SOX13: variants seen among roughly 807,000 people sequenced by gnomAD.
SOX13 encodes the protein SRY-box transcription factor 13.
A neutral mutation model predicts 71.8 loss-of-function variants in SOX13; 28 were observed. That is an observed-to-expected ratio of 0.39 (90% CI 0.29 to 0.53). SOX13 has a LOEUF of 0.53. Among genes scored for constraint, SOX13 ranks in the 20% least tolerant of loss-of-function variants. The pLI is 0.70. For synonymous variants in SOX13, 309 were observed against 317.8 expected (o/e 0.97, Z 0.29); for missense variants, 627 against 810.3 (o/e 0.77, Z 2.75).
rs772422383 is a variant in SOX13, at chr1:204,112,909, C to A, written c.-1-6C>A. 37 of 1,612,126 alleles carry A rather than the reference C, an allele frequency of 2.3e-5. No homozygotes were observed. Among genetic ancestry groups the A allele is most frequent in the Non-Finnish European group, 3.1e-5 (36 of 1,179,012 alleles). ...CTCACCTCAGCTCACTCTGTCCCTC[C>A]CCCAGGATGTCCATGAGGAGCCCCA... On this transcript the variant is annotated splice_region_variant and splice_polypyrimidine_tract_variant and intron_variant, in intron 1 of 13. Coordinates refer to ENST00000367204, the MANE Select transcript of SOX13 (RefSeq NM_005686.3).
At chr1:204,117,045 G>T (rs1335707752) in intron 5 of SOX13, 77 bp from the exon 6 acceptor site, 9 of 1,420,310 alleles carry the variant, frequency 6.3e-6, no homozygotes, top group Non-Finnish European at 8.9e-6. Context: ...AGAAAGCAGG[G>T]TGTGGTTAGG....
intron 1 of SOX13, among the ~76,000 whole-genome samples, chr1:204,079,010 A>G (rs541921328): frequency 1.1e-4 from 17 of 152,254 alleles, no homozygotes; most frequent in African/African-American, 3.6e-4. Context: ...CTAGGAAAAG[A>G]TTTCTGGGCC....
At position 204,125,923 on chromosome 1, in the gene SOX13, C is replaced by T. The variant is rs745741757; in HGVS notation, c.1658C>T (p.Pro553Leu). ...DVLYPRAAGM[P>L]LAQPLVEHYV... ...CTGTACCCTCGGGCAGCAGGCATGC[C>T]GCTGGCACAGCCACTGGTGGAGCAC... Residue 553 changes from proline to leucine, a missense_variant, in exon 14 of 14, where the codon CCG becomes CTG. Pro to Leu is a moderately conservative substitution (Grantham distance 98). Transcript: ENST00000367204. 10 of 1,613,514 alleles carry T rather than the reference C, an allele frequency of 6.2e-6. No individual in the cohort carries two copies. Among genetic ancestry groups the T allele is most frequent in the African/African-American group, 2.7e-5 (2 of 75,060 alleles).
At chr1:204,102,691 G>C (rs181744045) in intron 1 of SOX13, among the ~76,000 whole-genome samples, 39 of 151,354 alleles carry the variant, frequency 2.6e-4, no homozygotes, top group Non-Finnish European at 5.0e-4. Context: ...TTGACCATGT[G>C]GGGGAAGGGG....
intron 1 of SOX13, among the ~76,000 whole-genome samples, chr1:204,074,859 A>G (rs1392552600): frequency 3.3e-5 from 5 of 152,240 alleles, no homozygotes; most frequent in Non-Finnish European, 7.3e-5. Context: ...CGCCTCGGTG[A>G]CAGAGGCTTG....
chr1:204,099,145 T>A (rs1416354163), intron 1 of SOX13, among the ~76,000 whole-genome samples: 2 of 152,158 alleles, frequency 1.3e-5, no homozygotes, highest in East Asian at 3.8e-4. Flanking sequence ...GCCAGTATAA[T>A]CCAACACTTA....
intron 2 of SOX13, among the ~76,000 whole-genome samples, chr1:204,113,724 G>C (rs1368005229): frequency 3.3e-5 from 5 of 152,128 alleles, no homozygotes; most frequent in South Asian, 4.1e-4. Flanking sequence ...GGAAGGAGGT[G>C]GGGGGTGGGG....
At chr1:204,112,746 G>A (rs971196205) in intron 1 of SOX13, among the ~76,000 whole-genome samples, 169 bp from the exon 2 acceptor site, 2 of 152,250 alleles carry the variant, frequency 1.3e-5, no homozygotes, top group African/African-American at 4.8e-5. Flanking sequence ...AGGCTTTGCT[G>A]ATTTTTCTGT....
chr1:204,102,884 G>T (rs1442197917), intron 1 of SOX13, among the ~76,000 whole-genome samples: 1 of 152,112 alleles, frequency 6.6e-6, no homozygotes, highest in African/African-American at 2.4e-5. Flanking sequence ...ACAGGTCCAT[G>T]TGACAAAGTC....
At chr1:204,083,977 G>A (rs1237088974) in intron 1 of SOX13, among the ~76,000 whole-genome samples, 1 of 152,108 alleles carries the variant, frequency 6.6e-6, no homozygotes, top group Non-Finnish European at 1.5e-5. Flanking sequence ...GGAAGAGGAG[G>A]TCATAAGGGT....
chr1:204,103,173 A>G (rs1474127846), intron 1 of SOX13, among the ~76,000 whole-genome samples: 1 of 152,242 alleles, frequency 6.6e-6, no homozygotes, highest in Non-Finnish European at 1.5e-5. Flanking sequence ...ACACATGAAG[A>G]AATGGGGGTT....
chr1:204,088,090 A>G (rs1447780708), intron 1 of SOX13, among the ~76,000 whole-genome samples: 1 of 152,206 alleles, frequency 6.6e-6, no homozygotes, highest in East Asian at 1.9e-4. Context: ...GGAAGGGCCC[A>G]TTGGGTCTCC....
intron 1 of SOX13, among the ~76,000 whole-genome samples, chr1:204,085,217 A>G (rs1655991476): frequency 6.6e-6 from 1 of 152,210 alleles, no homozygotes; most frequent in African/African-American, 2.4e-5. Flanking sequence ...ACCAGCACAG[A>G]CAGACAGGCA....
In SOX13 at chr1:204,123,801, C is replaced by T; in HGVS notation, c.1372C>T (p.Leu458Phe). The T allele has an allele frequency of 6.2e-7, 1 of 1,614,140 alleles. No homozygotes were observed. The highest frequency in any genetic ancestry group is 8.5e-7 in the Non-Finnish European group (1 of 1,179,982). The change falls in exon 12 of 14, where the codon CTT becomes TTT. Residue 458 changes from leucine to phenylalanine, a missense_variant. This residue lies in a region of SOX13 where 32 missense variants were observed against 85.4 expected (regional missense o/e 0.37). Transcript: ENST00000367204. This position sits in a 1 kb window ranked among gnomAD's most constrained non-coding sequence, Gnocchi z 5.0. ...DMHNSSISKI[L>F]GSRWKSMTNQ... ...GCACAACTCCAGCATCAGCAAGATC[C>T]TTGGTAAGGGCCAGTGGCTGGGGCC...
rs1656844675 is a variant in SOX13 at position 204,123,085 on chromosome 1, G to A, written c.1135-27G>A. On this transcript the variant is annotated intron_variant, in intron 10 of 13. Transcript: ENST00000367204. The surrounding 1 kb of genome is among the most constrained non-coding windows in gnomAD (Gnocchi z 5.0). ...GGAGTGGGGTGATGCAGAGGAGGCT[G>A]ATGTCAGGTTGCCCCTGTCAACCTA... 1 of 1,593,560 alleles carries A rather than the reference G, an allele frequency of 6.3e-7. No homozygotes were observed. The highest frequency in any genetic ancestry group is 8.6e-7 in the Non-Finnish European group (1 of 1,161,640).
Position 204,127,601 on chromosome 1 carries a change from T to G in SOX13, c.*1467T>G, listed in dbSNP as rs1200268286. Reference sequence around the variant, plus strand: ...CCACTTCTCTCCAGGCTGTTTCTTTTTTTATGACTGTAAACATAGATAGTG... The same window carrying G: ...CCACTTCTCTCCAGGCTGTTTCTTTGTTTATGACTGTAAACATAGATAGTG... On this transcript the variant is annotated 3_prime_UTR_variant, in exon 14 of 14. Transcript: ENST00000367204. 1 of 152,660 alleles carries G rather than the reference T, an allele frequency of 6.6e-6. No homozygotes were observed. Among genetic ancestry groups the G allele is most frequent in the Non-Finnish European group, 1.5e-5 (1 of 68,052 alleles). 9.5% of individuals were successfully genotyped at this position (152,660 alleles called of 1,614,324 possible). A position where few individuals can be genotyped will look rare whatever the true frequency, so the allele number is the denominator to read the frequency against.
At chr1:204,078,623 A>T (rs1421234869) in intron 1 of SOX13, among the ~76,000 whole-genome samples, 1 of 152,190 alleles carries the variant, frequency 6.6e-6, no homozygotes, top group Non-Finnish European at 1.5e-5. Context: ...CGGATGTGTC[A>T]GCCAGGGAGG....
At chr1:204,074,294 C>T (rs1655738256) in intron 1 of SOX13, 1 of 152,048 alleles carries the variant, frequency 6.6e-6, no homozygotes, top group African/African-American at 2.4e-5. Flanking sequence ...AGCGCGGCAT[C>T]CTGTTTGTTT....
intron 1 of SOX13, among the ~76,000 whole-genome samples, chr1:204,092,421 G>T (rs1395781219): frequency 6.6e-6 from 1 of 152,084 alleles, no homozygotes; most frequent in African/African-American, 2.4e-5. Context: ...GGCTCAAGCA[G>T]TCCTCCTGAC....
Sources: gnomAD v4.1 joint callset for allele counts (sites outside exome capture counted in the v4.1 genomes callset) on GRCh38, gnomAD v4.1.1 for gene constraint, gnomAD v4.1.1 regional missense constraint, Gnocchi (gnomAD v3.1) non-coding constraint, MANE v1.5 for transcripts, NCBI Gene and HGNC (gene_info 2026-07-23, HGNC 2026-07-21) for gene names.